Variants in FNTA observed in about 807,000 individuals in gnomAD.
FNTA encodes the protein protein farnesyltransferase/geranylgeranyltransferase type-1 subunit alpha.
FNTA carries 27 observed loss-of-function variants against 55.2 expected under a neutral mutation model. The ratio of observed to expected loss-of-function variants is 0.49; its 90% CI spans 0.36 to 0.67. The LOEUF (loss-of-function observed/expected upper bound fraction) is 0.67. FNTA is among the 30% of genes least tolerant of loss of function. FNTA has a pLI of 0.00. For synonymous variants in FNTA, 176 were observed against 170.7 expected (o/e 1.03, Z -0.24); for missense variants, 422 against 464.7 (o/e 0.91, Z 0.85).
intron 3 of FNTA, among the ~76,000 whole-genome samples, chr8:43,066,586 T>TTGTGTGTGTG (rs772967741): frequency 2.4e-5 from 1 of 41,834 alleles, no homozygotes; most frequent in African/African-American, 6.8e-5. Flanking sequence ...ATAGCATCGT[T>TTGTGTGTGTG]CGTGTGTGTG....
At position 43,064,860 on chromosome 8, in the gene FNTA, A is replaced by G. The variant is rs931050639; in HGVS notation, c.401+645A>G. On this transcript the variant is annotated intron_variant, in intron 3 of 8. Transcript: ENST00000302279. ...TTTACTTTTATTTTTTTTTTTTGAG[A>G]TGGAGTCTTGCTTTGTCACCATCTG... Among the ~76,000 whole-genome samples the G allele has an allele frequency of 2.2e-5, 3 of 137,628 alleles. No homozygotes were observed. The Admixed American group carries it at 2.2e-4, about 10-fold the overall frequency. 90.3% of individuals were successfully genotyped at this position (137,628 alleles called of 152,430 possible).
At position 43,077,246 on chromosome 8, in the gene FNTA, T is replaced by C. The variant is rs780636679; in HGVS notation, c.664T>C (p.Tyr222His). ...EFKLWDNELQ[Y>H]VDQLLKEDVR... ...TAAACTTTGGGATAATGAGCTGCAGTATGTGGACCAACTTCTGAAAGAGGA... is the reference window on the plus strand; with the variant it reads ...TAAACTTTGGGATAATGAGCTGCAGCATGTGGACCAACTTCTGAAAGAGGA... The change falls in exon 6 of 9, where the codon TAT (tyrosine) becomes CAT (histidine). Residue 222 changes from tyrosine (Y) to histidine (H), a missense_variant. This residue lies in a region of FNTA where 262 missense variants were observed against 343.1 expected (regional missense o/e 0.76). Coordinates refer to ENST00000302279, the MANE Select transcript of FNTA (RefSeq NM_002027.3). 6.2e-7 allele frequency: 1 copy of C among 1,611,246 alleles called. No individual in the cohort carries two copies. The highest frequency in any genetic ancestry group is 1.1e-5 in the South Asian group (1 of 90,692).
At chr8:43,065,338 A>T (rs1810630727) in intron 3 of FNTA, among the ~76,000 whole-genome samples, 1 of 149,720 alleles carries the variant, frequency 6.7e-6, no homozygotes, top group Admixed American at 6.6e-5. Context: ...GCCTCTGCCT[A>T]CCAGATTCAA....
chr8:43,064,479 AT>A (rs1033910579), intron 3 of FNTA, among the ~76,000 whole-genome samples: 1 of 151,526 alleles, frequency 6.6e-6, no homozygotes, highest in African/African-American at 2.4e-5. Flanking sequence ...CGCCCAGCTA[AT>A]TTTTTTGTAT....
chr8:43,057,287 G>T (rs1207423170), intron 1 of FNTA: 1 of 152,126 alleles, frequency 6.6e-6, no homozygotes, highest in Admixed American at 6.5e-5. Context: ...ATCGCCTTAG[G>T]TCTTACTTCT....
intron 7 of FNTA, among the ~76,000 whole-genome samples, chr8:43,083,804 A>G (rs1811070471): frequency 6.6e-6 from 1 of 152,184 alleles, no homozygotes; most frequent in Non-Finnish European, 1.5e-5. Context: ...TGGGCATGTT[A>G]GCTCATGCCT....
Position 43,056,741 on chromosome 8 carries a change from C to T in FNTA, c.200+195C>T, listed in dbSNP as rs1036306888. 2.5e-5 allele frequency: 5 copies of T among 200,662 alleles called. No homozygotes were observed. In the East Asian group the frequency reaches 7.3e-4, roughly 29 times the overall value. 12.4% of individuals were successfully genotyped at this position (200,662 alleles called of 1,614,324 possible). A position where few individuals can be genotyped will look rare whatever the true frequency, so the allele number is the denominator to read the frequency against. ...CCAGGGCGGCGCCGGCGCGAGACCG[C>T]GGGGACGCGAAGCAGCGAGGTCTCG... On this transcript the variant is annotated intron_variant, in intron 1 of 8. Coordinates refer to ENST00000302279, the MANE Select transcript of FNTA (RefSeq NM_002027.3).
At chr8:43,063,087 C>CT (rs35545408) in intron 2 of FNTA, among the ~76,000 whole-genome samples, 1,710 of 134,574 alleles carry the variant, frequency 0.013, 42 homozygotes, top group South Asian at 0.089. Flanking sequence ...CTGGCAGTTC[C>CT]TTTTTTTTTT....
At position 43,072,327 on chromosome 8, in the gene FNTA, G is replaced by A; in HGVS notation, c.633+20G>A. On this transcript the variant is annotated intron_variant, in intron 5 of 8. Coordinates refer to ENST00000302279, the MANE Select transcript of FNTA (RefSeq NM_002027.3). ...ATTCAGGTATTGCCTTTCTTGTACA[G>A]TGTTTTTCAGATTTTTTTTTTAACT... 6.7e-7 allele frequency: 1 copy of A among 1,502,810 alleles called. No homozygotes were observed. 93.1% of individuals were successfully genotyped at this position (1,502,810 alleles called of 1,614,324 possible). A position where few individuals can be genotyped will look rare whatever the true frequency, so the allele number is the denominator to read the frequency against.
chr8:43,064,323 T>C, intron 3 of FNTA, 108 bp downstream of exon 3: 1 of 669,294 alleles, frequency 1.5e-6, no homozygotes. Flanking sequence ...TTATTTTTTT[T>C]GGAGGGGGGT....
chr8:43,068,300 T>C (rs1223592133), intron 3 of FNTA, among the ~76,000 whole-genome samples: 1 of 152,162 alleles, frequency 6.6e-6, no homozygotes, highest in Non-Finnish European at 1.5e-5. Flanking sequence ...TAAAAGCTAA[T>C]AAAATTAGGT....
At chr8:43,057,680 C>T (rs1263867753) in intron 1 of FNTA, among the ~76,000 whole-genome samples, 2 of 152,002 alleles carry the variant, frequency 1.3e-5, no homozygotes, top group African/African-American at 2.4e-5. Flanking sequence ...AAGGAAGGGC[C>T]GGCGCGGTGG....
At chr8:43,057,956 C>CAAAA (rs71550440) in intron 1 of FNTA, among the ~76,000 whole-genome samples, 9 of 69,388 alleles carry the variant, frequency 1.3e-4, no homozygotes, top group African/African-American at 4.3e-4. Flanking sequence ...GACTCCATCT[C>CAAAA]AAAAAAAAAA....
At chr8:43,060,675 C>CA (rs202205706) in intron 2 of FNTA, among the ~76,000 whole-genome samples, 2,681 of 141,104 alleles carry the variant, frequency 0.019, 89 homozygotes, top group African/African-American at 0.068. Flanking sequence ...AACTCTGTCT[C>CA]AAAAAAAAAA....
chr8:43,080,696 A>G (rs910867169), intron 6 of FNTA: 1 of 152,222 alleles, frequency 6.6e-6, no homozygotes, highest in Non-Finnish European at 1.5e-5. Context: ...TTCATTGCAC[A>G]TGTCCTATTT....
At chr8:43,058,520 C>G (rs1440671513) in intron 1 of FNTA, among the ~76,000 whole-genome samples, 1 of 152,164 alleles carries the variant, frequency 6.6e-6, no homozygotes, top group Non-Finnish European at 1.5e-5. Context: ...ACCTGTAATG[C>G]CAGCACTTTG....
intron 1 of FNTA, among the ~76,000 whole-genome samples, chr8:43,057,940 G>C (rs1228047586): frequency 6.9e-6 from 1 of 144,860 alleles, no homozygotes; most frequent in East Asian, 2.0e-4. Flanking sequence ...GCCTGGACAA[G>C]AGCGTGACTC....
chr8:43,063,386 T>C (rs941444824), intron 2 of FNTA: 1 of 452,820 alleles, frequency 2.2e-6, no homozygotes, highest in African/African-American at 2.0e-5. Context: ...TATCCTTGAA[T>C]ACTTGCACAC....
intron 2 of FNTA, among the ~76,000 whole-genome samples, chr8:43,062,164 G>A (rs2130544126): frequency 8.4e-6 from 1 of 119,286 alleles, no homozygotes; most frequent in East Asian, 2.4e-4. Flanking sequence ...GTGCATATGT[G>A]TATGTTTTAT....
Sources: allele counts gnomAD v4.1 joint callset (sites outside exome capture counted in the v4.1 genomes callset), GRCh38; gene constraint gnomAD v4.1.1; regional missense constraint gnomAD v4.1.1; transcripts MANE v1.5; gene names NCBI Gene and HGNC (gene_info 2026-07-23, HGNC 2026-07-21).